Variants in SNAP91 observed in about 807,000 individuals in gnomAD.
SNAP91 encodes the protein synaptosome associated protein 91, also known as clathrin coat assembly protein AP180.
Under a neutral mutation model 100.3 loss-of-function variants are expected in SNAP91, and 27 were observed. The ratio of observed to expected loss-of-function variants is 0.27; its 90% CI spans 0.20 to 0.37. The LOEUF is 0.37. Ranked by LOEUF, SNAP91 falls within the 10% of genes least tolerant of loss-of-function variation. SNAP91 has a pLI of 1.00. For missense variants in SNAP91, 986 were observed against 1,123.7 expected (o/e 0.88, Z 1.75); for synonymous variants, 404 against 398.6 (o/e 1.01, Z -0.16).
At chr6:83,604,737 C>T (rs1445319583) in intron 14 of SNAP91, among the ~76,000 whole-genome samples, 1 of 152,164 alleles carries the variant, frequency 6.6e-6, no homozygotes, top group Non-Finnish European at 1.5e-5. Flanking sequence ...AACCTCAAGG[C>T]TATGATTTTT....
chr6:83,658,259 T>C (rs942237924), intron 6 of SNAP91, among the ~76,000 whole-genome samples: 1 of 152,158 alleles, frequency 6.6e-6, no homozygotes, highest in Admixed American at 6.5e-5. Context: ...ATTCACTAAT[T>C]TATCTAAGAT....
chr6:83,633,448 T>C (rs2097292956), intron 8 of SNAP91, among the ~76,000 whole-genome samples: 2 of 152,088 alleles, frequency 1.3e-5, no homozygotes, highest in African/African-American at 2.4e-5. Context: ...CCCAAGAGTA[T>C]ATGCCCCTTG....
At position 83,660,098 on chromosome 6, in the gene SNAP91, C is replaced by T. The variant is rs566041454; in HGVS notation, c.453-1006G>A. 2.0e-5 allele frequency among the ~76,000 whole-genome samples: 3 copies of T among 152,316 alleles called. No homozygotes were observed. In the South Asian group the frequency reaches 6.2e-4, roughly 32 times the overall value. On this transcript the variant is annotated intron_variant, in intron 5 of 29. Transcript: ENST00000369694. ...TGCTGATCATGGCAACTTTCAGGGTCTCTCCCAGACCAACAGTGGAGAAAG... is the reference window on the plus strand; with the variant it reads ...TGCTGATCATGGCAACTTTCAGGGTTTCTCCCAGACCAACAGTGGAGAAAG...
At chr6:83,679,961 A>G (rs1343259032) in intron 2 of SNAP91, among the ~76,000 whole-genome samples, 2 of 152,084 alleles carry the variant, frequency 1.3e-5, no homozygotes, top group Admixed American at 6.6e-5. Context: ...AAATACAGCT[A>G]TCTTTCCCAT....
intron 8 of SNAP91, among the ~76,000 whole-genome samples, chr6:83,639,560 G>A (rs963878107): frequency 1.3e-5 from 2 of 152,022 alleles, no homozygotes; most frequent in African/African-American, 4.8e-5. Context: ...GATTTTTGCA[G>A]ATCTCTTTCT....
At chr6:83,575,354 AG>A (rs1816636587) in intron 25 of SNAP91, 1 of 511,610 alleles carries the variant, frequency 2.0e-6, no homozygotes, top group Admixed American at 3.6e-5. Flanking sequence ...CAATAAGTAT[AG>A]GAATTTCCTA....
At chr6:83,576,166 G>A (rs1221110158) in intron 24 of SNAP91, 113 bp from the exon 25 acceptor site, 3 of 545,748 alleles carry the variant, frequency 5.5e-6, no homozygotes, top group African/African-American at 4.0e-5. Context: ...ATTTTGCCTA[G>A]GAATGACTGC....
At chr6:83,558,141 A>G (rs954707128) in intron 28 of SNAP91, among the ~76,000 whole-genome samples, 1 of 152,166 alleles carries the variant, frequency 6.6e-6, no homozygotes, top group Non-Finnish European at 1.5e-5. Flanking sequence ...GCCTTAAGTA[A>G]TAAAATTATA....
chr6:83,642,386 G>T (rs1207809183), intron 7 of SNAP91, among the ~76,000 whole-genome samples: 1 of 151,784 alleles, frequency 6.6e-6, no homozygotes, highest in Admixed American at 6.6e-5. Flanking sequence ...TCCCCTTCCT[G>T]TGTCCAAGTG....
chr6:83,665,685 A>G, intron 2 of SNAP91, 104 bp from the exon 3 acceptor site: 1 of 1,000,604 alleles, frequency 1.0e-6, no homozygotes, highest in South Asian at 1.7e-5. Flanking sequence ...TGACCTTAAA[A>G]GTACTTTGAT....
intron 26 of SNAP91, among the ~76,000 whole-genome samples, chr6:83,564,345 T>TA (rs1554191661): frequency 2.7e-5 from 4 of 149,366 alleles, no homozygotes; most frequent in Non-Finnish European, 5.9e-5. Context: ...CTTTTTTTTT[T>TA]TATATATATA....
intron 2 of SNAP91, among the ~76,000 whole-genome samples, chr6:83,691,200 T>C (rs749016224): frequency 9.9e-5 from 15 of 152,260 alleles, no homozygotes; most frequent in Non-Finnish European, 2.1e-4. Context: ...GGTAAATTAG[T>C]TTATTAAATG....
chr6:83,669,741 C>CG (rs928226581), intron 2 of SNAP91, among the ~76,000 whole-genome samples: 7 of 152,000 alleles, frequency 4.6e-5, no homozygotes, highest in Non-Finnish European at 8.8e-5. Context: ...GGGAATAAAA[C>CG]TTTTTTCTTG....
At chr6:83,702,113 A>T (rs1378354373) in intron 2 of SNAP91, among the ~76,000 whole-genome samples, 1 of 152,258 alleles carries the variant, frequency 6.6e-6, no homozygotes, top group African/African-American at 2.4e-5. Context: ...TTCTAAAAAG[A>T]GAAAACATTA....
intron 2 of SNAP91, among the ~76,000 whole-genome samples, chr6:83,675,739 G>GATA (rs2098858275): frequency 6.6e-6 from 1 of 151,522 alleles, no homozygotes; most frequent in East Asian, 1.9e-4. Context: ...CCGTAAGGGA[G>GATA]ATAATAATAG....
chr6:83,698,389 G>A (rs2099249926), intron 2 of SNAP91, among the ~76,000 whole-genome samples: 1 of 151,370 alleles, frequency 6.6e-6, no homozygotes, highest in African/African-American at 2.4e-5. Flanking sequence ...CTGAAGAGGA[G>A]ACTGCCCTGA....
intron 14 of SNAP91, among the ~76,000 whole-genome samples, chr6:83,605,273 G>A (rs939234851): frequency 8.6e-5 from 13 of 152,022 alleles, no homozygotes; most frequent in Admixed American, 4.6e-4. Flanking sequence ...ATCCAGGAAC[G>A]AGGCTACACC....
At chr6:83,614,804 T>C (rs2096381093) in intron 11 of SNAP91, 53 bp downstream of exon 11, 5 of 1,397,564 alleles carry the variant, frequency 3.6e-6, no homozygotes, top group Non-Finnish European at 3.9e-6. Context: ...AGAGTGTTTT[T>C]TGCATTTTTA....
At chr6:83,659,413 G>A (rs2098483633) in intron 5 of SNAP91, among the ~76,000 whole-genome samples, 1 of 148,334 alleles carries the variant, frequency 6.7e-6, no homozygotes. Flanking sequence ...GTGTTGAAAA[G>A]TATGTTTTCT....
Sources: gnomAD v4.1 joint callset for allele counts (sites outside exome capture counted in the v4.1 genomes callset) on GRCh38, gnomAD v4.1.1 for gene constraint, MANE v1.5 for transcripts, NCBI Gene and HGNC (gene_info 2026-07-23, HGNC 2026-07-21) for gene names.